ARFGEF1: variants seen among roughly 807,000 people sequenced by gnomAD.
The protein encoded by ARFGEF1 is ARF guanine nucleotide exchange factor 1, also known as brefeldin A-inhibited guanine nucleotide-exchange protein 1.
A neutral mutation model predicts 231.0 loss-of-function variants in ARFGEF1; 42 were observed. The ratio of observed to expected loss-of-function variants is 0.18; its 90% CI spans 0.14 to 0.24. The LOEUF is 0.24. Ranked by LOEUF, ARFGEF1 falls within the 10% of genes least tolerant of loss-of-function variation. The pLI is 1.00. For missense variants in ARFGEF1, 1,345 were observed against 2,192.0 expected, an observed-to-expected ratio of 0.61 and a Z score of 7.72; for synonymous variants, 710 against 732.3, an observed-to-expected ratio of 0.97 and a Z score of 0.49.
At chr8:67,300,514 T>C (rs1256684089) in intron 3 of ARFGEF1, among the ~76,000 whole-genome samples, 1 of 152,028 alleles carries the variant, frequency 6.6e-6, no homozygotes, top group East Asian at 1.9e-4. Flanking sequence ...TATTAACCTA[T>C]TGCTTCATAT....
chr8:67,211,715 AT>A, intron 33 of ARFGEF1, 100 bp from the exon 34 acceptor site: 1 of 641,652 alleles, frequency 1.6e-6, no homozygotes, highest in Non-Finnish European at 2.3e-6. Flanking sequence ...TTATGTCCCT[AT>A]GAAAATGATG....
intron 34 of ARFGEF1, among the ~76,000 whole-genome samples, chr8:67,205,810 A>T (rs1396940296): frequency 2.6e-5 from 4 of 152,124 alleles, no homozygotes; most frequent in Admixed American, 6.6e-5. Flanking sequence ...GTGAACCAAG[A>T]TCACACCACT....
chr8:67,269,968 A>G (rs1393893606), intron 10 of ARFGEF1, among the ~76,000 whole-genome samples: 2 of 152,200 alleles, frequency 1.3e-5, no homozygotes, highest in African/African-American at 2.4e-5. Flanking sequence ...CAGTACCTAC[A>G]GAAGCAGAAT....
At chr8:67,293,603 A>C (rs747891426) in intron 5 of ARFGEF1, among the ~76,000 whole-genome samples, 9 of 152,190 alleles carry the variant, frequency 5.9e-5, no homozygotes, top group Non-Finnish European at 1.0e-4. Context: ...TTAAGGACTG[A>C]TATGAAATGC....
chr8:67,214,785 T>C (rs1838869340), intron 33 of ARFGEF1, among the ~76,000 whole-genome samples: 1 of 152,118 alleles, frequency 6.6e-6, no homozygotes, highest in African/African-American at 2.4e-5. Flanking sequence ...ATGGCCAGCC[T>C]AGAATGAAAG....
At chr8:67,257,924 A>G (rs1457059253) in intron 16 of ARFGEF1, 108 bp from the exon 17 acceptor site, 3 of 1,210,094 alleles carry the variant, frequency 2.5e-6, no homozygotes, top group Non-Finnish European at 3.5e-6. Context: ...AGTATCTCAC[A>G]TTACAATTTT....
intron 6 of ARFGEF1, among the ~76,000 whole-genome samples, chr8:67,290,365 G>A (rs1805955461): frequency 6.6e-6 from 1 of 152,066 alleles, no homozygotes; most frequent in South Asian, 2.1e-4. Context: ...CTTAGTCCAT[G>A]TTGTTTCCTT....
chr8:67,195,731 A>G, downstream of ARFGEF1: 1 of 645,048 alleles, frequency 1.6e-6, no homozygotes, highest in Non-Finnish European at 2.7e-6. Context: ...TATTTTTATC[A>G]TGATGTATAT....
intron 5 of ARFGEF1, among the ~76,000 whole-genome samples, chr8:67,183,946 G>A (rs995333298): frequency 5.4e-5 from 8 of 147,740 alleles, no homozygotes; most frequent in African/African-American, 1.5e-4. Context: ...TCCGCCTCCC[G>A]GGTTCAAGCG....
chr8:67,316,452 G>A (rs1807319171), intron 1 of ARFGEF1, among the ~76,000 whole-genome samples: 1 of 151,856 alleles, frequency 6.6e-6, no homozygotes, highest in Non-Finnish European at 1.5e-5. Context: ...AACAAAACTG[G>A]ACTGTTGTAT....
intron 1 of ARFGEF1, among the ~76,000 whole-genome samples, chr8:67,321,448 G>GT (rs370429350): frequency 3.3e-5 from 5 of 151,564 alleles, no homozygotes; most frequent in East Asian, 1.9e-4. Flanking sequence ...GAGAACTTCT[G>GT]TTTTTTTTGT....
At chr8:67,330,770 T>C (rs1176295092) in intron 1 of ARFGEF1, among the ~76,000 whole-genome samples, 4 of 152,178 alleles carry the variant, frequency 2.6e-5, no homozygotes, top group Non-Finnish European at 5.9e-5. Context: ...AAATTACACA[T>C]AAGCTTTGCT....
chr8:67,222,186 T>TATATATATATATATACAC (rs1839198369), intron 29 of ARFGEF1, among the ~76,000 whole-genome samples: 1 of 127,998 alleles, frequency 7.8e-6, no homozygotes, highest in Non-Finnish European at 1.6e-5. Context: ...TATACACATA[T>TATATATATATATATACAC]ATATATATAT....
downstream of ARFGEF1, chr8:67,195,541 C>G: frequency 6.2e-7 from 1 of 1,614,188 alleles, no homozygotes; most frequent in Non-Finnish European, 8.5e-7. Flanking sequence ...CAGCAGATTC[C>G]TGGAAAACCA....
Position 67,267,354 on chromosome 8 carries a change from C to T in ARFGEF1, c.1661G>A (p.Arg554Lys). The T allele has an allele frequency of 6.2e-7, 1 of 1,608,684 alleles. No individual in the cohort carries two copies. Among genetic ancestry groups the T allele is most frequent in the South Asian group, 1.1e-5 (1 of 89,190 alleles). Residue 554 changes from arginine to lysine, a missense_variant, in exon 11 of 39, where the codon AGG becomes AAG. Physicochemically the swap from Arg to Lys is conservative, Grantham distance 26. Coordinates refer to ENST00000262215, the MANE Select transcript of ARFGEF1 (RefSeq NM_006421.5). ...ATAATTTAAAATACCTGCACAAATC[C>T]TCGTCAGTGTCTGAATAACCATCCA... is the stretch of plus-strand genomic sequence containing the variant. The part of the protein sequence containing the change: ...HKWMVIQTLT[R>K]ICADAQSVVD...
chr8:67,217,677 CTGTTA>C (rs1318321346), intron 32 of ARFGEF1, 100 bp downstream of exon 32: 2 of 1,229,100 alleles, frequency 1.6e-6, no homozygotes, highest in Non-Finnish European at 2.3e-6. Context: ...AAAAGGATTT[CTGTTA>C]TGAGAAATCA....
Position 67,197,684 on chromosome 8 carries a change from A to G in ARFGEF1, c.*1250T>C. Reference sequence around the variant, plus strand: ...TTTGATTGCACTGATGAAATAATTCAAAAACTTTATTGACCTATAACCTGA... The same window carrying G: ...TTTGATTGCACTGATGAAATAATTCGAAAACTTTATTGACCTATAACCTGA... On this transcript the variant is annotated 3_prime_UTR_variant, in exon 39 of 39. Coordinates refer to ENST00000262215, the MANE Select transcript of ARFGEF1 (RefSeq NM_006421.5). 2.0e-6 allele frequency: 2 copies of G among 985,876 alleles called. No individual in the cohort carries two copies. The highest frequency in any genetic ancestry group is 2.4e-6 in the Non-Finnish European group (2 of 829,926). 61.1% of individuals were successfully genotyped at this position (985,876 alleles called of 1,614,324 possible). A position where few individuals can be genotyped will look rare whatever the true frequency, so the allele number is the denominator to read the frequency against.
chr8:67,298,543 G>C (rs1381323483), intron 4 of ARFGEF1, among the ~76,000 whole-genome samples: 2 of 152,142 alleles, frequency 1.3e-5, no homozygotes, highest in Non-Finnish European at 2.9e-5. Context: ...GAAGAAACTA[G>C]AGGGGTCACA....
rs776178491 is a variant in ARFGEF1, at chr8:67,217,743, A to G, written c.4613+39T>C. The G allele has an allele frequency of 6.9e-6, 11 of 1,596,888 alleles. No homozygotes were observed. The Admixed American group carries it at 1.5e-4, about 22-fold the overall frequency. ...CTAGTCACTCTCCAACTCATTCAAT[A>G]TACAAATATAAATGTAAAGTTGTAT... On this transcript the variant is annotated intron_variant, in intron 32 of 38. Transcript: ENST00000262215.
Sources: allele counts gnomAD v4.1 joint callset (sites outside exome capture counted in the v4.1 genomes callset), GRCh38; gene constraint gnomAD v4.1.1; transcripts MANE v1.5; gene names NCBI Gene and HGNC (gene_info 2026-07-23, HGNC 2026-07-21).